NETO1: variants seen among roughly 807,000 people sequenced by gnomAD.
NETO1 encodes neuropilin and tolloid-like protein 1.
NETO1 carries 26 observed loss-of-function variants against 61.3 expected under a neutral mutation model. The ratio of observed to expected loss-of-function variants is 0.42; its 90% CI spans 0.31 to 0.59. The LOEUF is 0.59. Among genes scored for constraint, NETO1 ranks in the 20% least tolerant of loss-of-function variants. The pLI is 0.12. For synonymous variants in NETO1, 225 were observed against 225.8 expected (o/e 1.00, Z 0.03); for missense variants, 531 against 662.8 (o/e 0.80, Z 2.18).
chr18:72,837,641 T>G (rs1280744543), intron 4 of NETO1, among the ~76,000 whole-genome samples: 1 of 152,202 alleles, frequency 6.6e-6, no homozygotes, highest in African/African-American at 2.4e-5. Context: ...TAGTTATATA[T>G]GTAACTGATT....
At chr18:72,769,221 A>G (rs2071264228) in intron 7 of NETO1, among the ~76,000 whole-genome samples, 1 of 152,070 alleles carries the variant, frequency 6.6e-6, no homozygotes, top group East Asian at 1.9e-4. Flanking sequence ...GGGTGTACGC[A>G]CTCATATCAA....
chr18:72,829,125 A>G (rs2073488630), intron 4 of NETO1, among the ~76,000 whole-genome samples: 1 of 152,228 alleles, frequency 6.6e-6, no homozygotes, highest in African/African-American at 2.4e-5. Context: ...AAATAATTTC[A>G]CTCAGAAATT....
chr18:72,838,593 T>C (rs1398690091), intron 4 of NETO1, among the ~76,000 whole-genome samples: 1 of 152,222 alleles, frequency 6.6e-6, no homozygotes, highest in East Asian at 1.9e-4. Context: ...GAAATTTTTC[T>C]AGTAAGAAGT....
intron 7 of NETO1, among the ~76,000 whole-genome samples, chr18:72,779,176 G>A (rs1162379079): frequency 6.6e-6 from 1 of 151,958 alleles, no homozygotes; most frequent in Non-Finnish European, 1.5e-5. Flanking sequence ...TTTACTTCAT[G>A]GGTGTATGAA....
chr18:72,817,210 C>G (rs73471852), intron 4 of NETO1, among the ~76,000 whole-genome samples: 2,270 of 152,326 alleles, frequency 0.015, 49 homozygotes, highest in East Asian at 0.089. Flanking sequence ...CTGCTACCTT[C>G]TGAAACATTC....
intron 4 of NETO1, among the ~76,000 whole-genome samples, chr18:72,836,971 T>C (rs1241245400): frequency 6.6e-6 from 1 of 152,112 alleles, no homozygotes; most frequent in Non-Finnish European, 1.5e-5. Flanking sequence ...AGTTTTAGAA[T>C]GCAGATCCCC....
At chr18:72,784,900 A>G (rs1349522629) in intron 6 of NETO1, among the ~76,000 whole-genome samples, 2 of 152,250 alleles carry the variant, frequency 1.3e-5, no homozygotes, top group South Asian at 2.1e-4. Flanking sequence ...CACAGTGAAC[A>G]AAAGAATGAG....
chr18:72,769,399 T>C lies in NETO1; in HGVS notation c.869-13252A>G, dbSNP rs112401711. Among the ~76,000 whole-genome samples, 1,467 of 152,296 alleles carry C rather than the reference T, an allele frequency of 9.6e-3. 33 individuals carry two copies. Among genetic ancestry groups the C allele is most frequent in the African/African-American group, 0.033 (1,383 of 41,552 alleles). Reference sequence around the variant, plus strand: ...AACAACATGTCAGTATATGGCAATGTGATATCCTCGAAAACTGTATTAAAA... The same window carrying C: ...AACAACATGTCAGTATATGGCAATGCGATATCCTCGAAAACTGTATTAAAA... On this transcript the variant is annotated intron_variant, in intron 7 of 10. Transcript: ENST00000327305.
At chr18:72,827,952 A>G (rs902957161) in intron 4 of NETO1, among the ~76,000 whole-genome samples, 1 of 152,204 alleles carries the variant, frequency 6.6e-6, no homozygotes, top group Non-Finnish European at 1.5e-5. Flanking sequence ...ATCTTTTGCT[A>G]CTTGCAGAAA....
chr18:72,825,573 A>G (rs2073348448), intron 4 of NETO1, among the ~76,000 whole-genome samples: 3 of 151,854 alleles, frequency 2.0e-5, no homozygotes, highest in African/African-American at 7.3e-5. Context: ...TTATAAATCT[A>G]CTTCTAAAAA....
intron 9 of NETO1, among the ~76,000 whole-genome samples, chr18:72,749,443 T>G (rs950615696): frequency 6.6e-6 from 1 of 152,166 alleles, no homozygotes; most frequent in Non-Finnish European, 1.5e-5. Context: ...GCATTTATAG[T>G]TGAAGGAAAA....
At chr18:72,785,724 T>G (rs1300698671) in intron 6 of NETO1, among the ~76,000 whole-genome samples, 1 of 152,152 alleles carries the variant, frequency 6.6e-6, no homozygotes, top group Non-Finnish European at 1.5e-5. Flanking sequence ...AACTAGCAAA[T>G]TTACATCCTT....
intron 4 of NETO1, among the ~76,000 whole-genome samples, chr18:72,824,607 G>A (rs555054576): frequency 3.3e-5 from 5 of 152,186 alleles, no homozygotes; most frequent in African/African-American, 9.6e-5. Flanking sequence ...GCTCACGCCT[G>A]TAATTCCAAC....
At chr18:72,770,378 T>A (rs1017576760) in intron 7 of NETO1, among the ~76,000 whole-genome samples, 1 of 152,158 alleles carries the variant, frequency 6.6e-6, no homozygotes, top group Non-Finnish European at 1.5e-5. Context: ...TATTAATAAC[T>A]ATTTGAAATG....
In NETO1 at chr18:72,802,818, T is replaced by G. The variant is rs1601208; in HGVS notation, c.470-8414A>C. Among the ~76,000 whole-genome samples the G allele has an allele frequency of 6.3e-3, 961 of 152,334 alleles. 13 individuals carry two copies. The highest frequency in any genetic ancestry group is 0.055 in the South Asian group (266 of 4,830). On this transcript the variant is annotated intron_variant, in intron 4 of 10. Transcript: ENST00000327305. ...ACAGCAGGAAAATAAAAAAGAATTT[T>G]ACTTAACATCATCATGATGAAGCAT...
At chr18:72,784,425 A>G (rs1320353021) in intron 6 of NETO1, among the ~76,000 whole-genome samples, 1 of 152,226 alleles carries the variant, frequency 6.6e-6, no homozygotes, top group East Asian at 1.9e-4. Context: ...GAGTCGAAGT[A>G]TAATTTTTTA....
intron 7 of NETO1, among the ~76,000 whole-genome samples, chr18:72,769,030 C>G (rs552229890): frequency 6.6e-6 from 1 of 152,136 alleles, no homozygotes; most frequent in South Asian, 2.1e-4. Context: ...CTGTACAGCG[C>G]GGCAAGCAGG....
intron 1 of NETO1, chr18:72,865,514 T>C (rs1185877538): frequency 5.1e-6 from 8 of 1,564,894 alleles, no homozygotes; most frequent in Non-Finnish European, 7.0e-6. Flanking sequence ...AACATGTCAA[T>C]TTACTCATGT....
intron 8 of NETO1, among the ~76,000 whole-genome samples, chr18:72,755,367 G>C (rs2070750241): frequency 6.6e-6 from 1 of 152,164 alleles, no homozygotes; most frequent in South Asian, 2.1e-4. Flanking sequence ...GCATGAAAGA[G>C]TTATTTGCCT....
Sources: gnomAD v4.1 joint callset for allele counts (sites outside exome capture counted in the v4.1 genomes callset) on GRCh38, gnomAD v4.1.1 for gene constraint, MANE v1.5 for transcripts, NCBI Gene and HGNC (gene_info 2026-07-23, HGNC 2026-07-21) for gene names.